The following ADGRL3 variants were observed in gnomAD, a reference collection of about 807,000 sequenced individuals.
ADGRL3 encodes the protein calcium-independent alpha-latrotoxin receptor 3.
Under a neutral mutation model 153.5 loss-of-function variants are expected in ADGRL3, and 62 were observed. The ratio of observed to expected loss-of-function variants is 0.40; its 90% CI spans 0.33 to 0.50. ADGRL3 has a LOEUF of 0.50. Among genes scored for constraint, ADGRL3 ranks in the 20% least tolerant of loss-of-function variants. ADGRL3 has a pLI of 0.47. For missense variants in ADGRL3, 1,641 were observed against 1,859.4 expected (o/e 0.88, Z 2.16); for synonymous variants, 710 against 672.5 (o/e 1.06, Z -0.86).
intron 6 of ADGRL3, among the ~76,000 whole-genome samples, chr4:61,716,830 A>G (rs998213012): frequency 2.0e-5 from 3 of 152,166 alleles, no homozygotes; most frequent in African/African-American, 7.2e-5. Flanking sequence ...CAAAAAGCCC[A>G]TTGTCATAGC....
intron 19 of ADGRL3, among the ~76,000 whole-genome samples, chr4:61,990,739 G>A (rs747022558): frequency 1.5e-4 from 23 of 151,472 alleles, no homozygotes; most frequent in South Asian, 6.3e-4. Context: ...TCAACCAATC[G>A]ACACCTTTAG....
chr4:61,691,800 G>T (rs1247370059), intron 6 of ADGRL3, among the ~76,000 whole-genome samples: 3 of 152,076 alleles, frequency 2.0e-5, no homozygotes, highest in Admixed American at 1.3e-4. Flanking sequence ...TTAAAATTAT[G>T]ACATTGACTA....
intron 17 of ADGRL3, among the ~76,000 whole-genome samples, chr4:61,957,314 A>T (rs537510975): frequency 1.3e-5 from 2 of 152,060 alleles, no homozygotes; most frequent in African/African-American, 4.8e-5. Context: ...ATGAGAGTCC[A>T]TTCACGATTT....
At chr4:61,490,787 A>G (rs2098249470) in intron 2 of ADGRL3, among the ~76,000 whole-genome samples, 1 of 151,960 alleles carries the variant, frequency 6.6e-6, no homozygotes, top group Non-Finnish European at 1.5e-5. Context: ...GAGAAACTCT[A>G]TGAATAATGG....
At chr4:61,497,654 T>G (rs1402197517) in intron 3 of ADGRL3, among the ~76,000 whole-genome samples, 2 of 150,628 alleles carry the variant, frequency 1.3e-5, no homozygotes, top group African/African-American at 4.9e-5. Flanking sequence ...TAGCTGGGAC[T>G]ACAGGCGCCC....
chr4:61,572,856 A>C (rs987061947), intron 4 of ADGRL3, among the ~76,000 whole-genome samples: 6 of 152,076 alleles, frequency 3.9e-5, no homozygotes, highest in Non-Finnish European at 8.8e-5. Flanking sequence ...TCAAGGCTCC[A>C]TCGTGTGATC....
At chr4:61,227,818 G>GT (rs1196609842) in intron 1 of ADGRL3, among the ~76,000 whole-genome samples, 2 of 152,126 alleles carry the variant, frequency 1.3e-5, no homozygotes, top group African/African-American at 4.8e-5. Flanking sequence ...ATTTGAAATG[G>GT]TTATTGTTAA....
intron 8 of ADGRL3, among the ~76,000 whole-genome samples, chr4:61,795,877 C>T (rs1561265578): frequency 6.6e-6 from 1 of 152,182 alleles, no homozygotes; most frequent in African/African-American, 2.4e-5. Context: ...GAGTCTAGCT[C>T]TGTCGCCCAG....
intron 5 of ADGRL3, among the ~76,000 whole-genome samples, chr4:61,607,161 A>G (rs887493050): frequency 6.6e-6 from 1 of 151,950 alleles, no homozygotes; most frequent in African/African-American, 2.4e-5. Flanking sequence ...TGAGTGGGGG[A>G]TGCAATCATA....
At chr4:61,936,127 A>T in intron 15 of ADGRL3, 82 bp downstream of exon 15, 1 of 1,481,140 alleles carries the variant, frequency 6.8e-7, no homozygotes. Context: ...TATTAGGTCC[A>T]CTATTTAGGA....
intron 5 of ADGRL3, among the ~76,000 whole-genome samples, chr4:61,612,722 A>C (rs1051539027): frequency 6.6e-6 from 1 of 152,176 alleles, no homozygotes; most frequent in Non-Finnish European, 1.5e-5. Flanking sequence ...TTTGCAACCT[A>C]GTATGCAGAA....
intron 24 of ADGRL3, among the ~76,000 whole-genome samples, chr4:62,042,898 T>C (rs1296979523): frequency 6.6e-6 from 1 of 152,070 alleles, no homozygotes; most frequent in African/African-American, 2.4e-5. Context: ...CTCTCAATCA[T>C]TAAGCTCCAA....
At chr4:61,625,052 A>G (rs1579930749) in intron 5 of ADGRL3, among the ~76,000 whole-genome samples, 1 of 152,270 alleles carries the variant, frequency 6.6e-6, no homozygotes, top group East Asian at 1.9e-4. Flanking sequence ...TGAACCAAAA[A>G]GAGCTGCAAA....
At chr4:61,849,214 C>T (rs947760405) in intron 9 of ADGRL3, among the ~76,000 whole-genome samples, 3 of 152,026 alleles carry the variant, frequency 2.0e-5, no homozygotes, top group Non-Finnish European at 4.4e-5. Flanking sequence ...CTTTTCTCAC[C>T]ATAACCTTTA....
intron 8 of ADGRL3, among the ~76,000 whole-genome samples, chr4:61,756,861 G>T (rs1372225053): frequency 6.6e-6 from 1 of 152,136 alleles, no homozygotes; most frequent in African/African-American, 2.4e-5. Flanking sequence ...GGCCTTTTCT[G>T]CATCTATTGA....
chr4:61,777,825 G>C (rs1423833248), intron 8 of ADGRL3, among the ~76,000 whole-genome samples: 1 of 152,112 alleles, frequency 6.6e-6, no homozygotes, highest in Non-Finnish European at 1.5e-5. Flanking sequence ...AGTATCGCTA[G>C]GGGATTTGCT....
intron 4 of ADGRL3, among the ~76,000 whole-genome samples, chr4:61,559,689 T>G (rs954184193): frequency 1.2e-4 from 18 of 152,100 alleles, no homozygotes; most frequent in African/African-American, 4.3e-4. Context: ...ACTCAAAATG[T>G]AGAGAACAAG....
intron 17 of ADGRL3, among the ~76,000 whole-genome samples, chr4:61,957,513 T>C (rs2098971796): frequency 1.3e-5 from 2 of 151,546 alleles, no homozygotes; most frequent in South Asian, 4.1e-4. Context: ...CTTATTAATT[T>C]AATGGTACAT....
At chr4:61,766,579 T>A (rs1443828525) in intron 8 of ADGRL3, among the ~76,000 whole-genome samples, 5 of 151,800 alleles carry the variant, frequency 3.3e-5, no homozygotes, top group African/African-American at 1.2e-4. Flanking sequence ...AGAGCACGTG[T>A]GTTTTTATGA....
Sources: allele counts gnomAD v4.1 joint callset (sites outside exome capture counted in the v4.1 genomes callset), GRCh38; gene constraint gnomAD v4.1.1; transcripts MANE v1.5; gene names NCBI Gene and HGNC (gene_info 2026-07-23, HGNC 2026-07-21).